LRRTM4: variants seen among roughly 807,000 people sequenced by gnomAD.
LRRTM4 encodes leucine rich repeat transmembrane neuronal 4.
Under a neutral mutation model 47.6 loss-of-function variants are expected in LRRTM4, and 25 were observed. The ratio of observed to expected loss-of-function variants is 0.53; its 90% CI spans 0.38 to 0.73. LRRTM4 has a LOEUF of 0.73. LRRTM4 is among the 30% of genes least tolerant of loss of function. The pLI is 0.00. For synonymous variants in LRRTM4, 311 were observed against 269.5 expected (o/e 1.15, Z -1.51); for missense variants, 638 against 713.4 (o/e 0.89, Z 1.20).
At chr2:76,888,928 T>A (rs1673165203) in intron 3 of LRRTM4, among the ~76,000 whole-genome samples, 1 of 152,016 alleles carries the variant, frequency 6.6e-6, no homozygotes, top group Admixed American at 6.6e-5. Context: ...TAAGACATGT[T>A]ATGAATCTAA....
At chr2:77,157,909 G>A (rs958509063) in intron 3 of LRRTM4, among the ~76,000 whole-genome samples, 13 of 152,112 alleles carry the variant, frequency 8.5e-5, no homozygotes, top group South Asian at 2.1e-4. Flanking sequence ...AACAGCTCGA[G>A]TGAGTTCTTC....
At chr2:77,202,997 C>T (rs1033974908) in intron 3 of LRRTM4, among the ~76,000 whole-genome samples, 2 of 151,894 alleles carry the variant, frequency 1.3e-5, no homozygotes, top group African/African-American at 2.4e-5. Context: ...TGGCTGGTTT[C>T]GCACATTAAG....
chr2:76,866,745 T>A (rs1004732808), intron 3 of LRRTM4, among the ~76,000 whole-genome samples: 1 of 152,190 alleles, frequency 6.6e-6, no homozygotes, highest in Non-Finnish European at 1.5e-5. Flanking sequence ...CAGTCTATCA[T>A]TGATGGGCAT....
chr2:77,071,339 A>T (rs906079118), intron 3 of LRRTM4, among the ~76,000 whole-genome samples: 13 of 152,308 alleles, frequency 8.5e-5, no homozygotes, highest in Non-Finnish European at 1.9e-4. Flanking sequence ...TGTTATGGTT[A>T]TCCAGAGACC....
At chr2:77,493,460 A>T (rs1678246226) in intron 3 of LRRTM4, among the ~76,000 whole-genome samples, 3 of 152,098 alleles carry the variant, frequency 2.0e-5, no homozygotes, top group Non-Finnish European at 4.4e-5. Flanking sequence ...GAGTCCACAG[A>T]AAAAGAAGTG....
At chr2:77,215,349 T>C (rs1432706314) in intron 3 of LRRTM4, among the ~76,000 whole-genome samples, 1 of 152,190 alleles carries the variant, frequency 6.6e-6, no homozygotes, top group African/African-American at 2.4e-5. Flanking sequence ...GTGTTTTAGA[T>C]GCTTCATTAA....
At chr2:76,776,130 C>G (rs1390603356) in intron 3 of LRRTM4, among the ~76,000 whole-genome samples, 1 of 151,982 alleles carries the variant, frequency 6.6e-6, no homozygotes, top group Non-Finnish European at 1.5e-5. Flanking sequence ...GTGTATATGT[C>G]CCACATTTTC....
intron 3 of LRRTM4, among the ~76,000 whole-genome samples, chr2:77,227,848 A>T (rs988455618): frequency 6.6e-6 from 1 of 152,108 alleles, no homozygotes; most frequent in Non-Finnish European, 1.5e-5. Flanking sequence ...TCATTAAAAT[A>T]TGGTTATACT....
intron 3 of LRRTM4, among the ~76,000 whole-genome samples, chr2:76,959,491 C>G (rs1473305863): frequency 3.3e-5 from 3 of 92,118 alleles, no homozygotes; most frequent in African/African-American, 2.6e-4. Context: ...AATTATCCAC[C>G]TTTAAAAATG....
chr2:76,974,231 T>TATATATACACAC (rs1166096250), intron 3 of LRRTM4, among the ~76,000 whole-genome samples: 1 of 139,550 alleles, frequency 7.2e-6, no homozygotes, highest in Non-Finnish European at 1.5e-5. Flanking sequence ...TACATACATA[T>TATATATACACAC]ATATATATAC....
intron 3 of LRRTM4, among the ~76,000 whole-genome samples, chr2:77,494,368 T>C (rs1039630925): frequency 2.0e-5 from 3 of 152,128 alleles, no homozygotes; most frequent in African/African-American, 7.2e-5. Flanking sequence ...CTCATTGTGA[T>C]GTTGCGCATT....
chr2:77,136,905 G>A (rs1196863174), intron 3 of LRRTM4, among the ~76,000 whole-genome samples: 1 of 151,852 alleles, frequency 6.6e-6, no homozygotes, highest in African/African-American at 2.4e-5. Context: ...ATGAAATGAA[G>A]TGAGAAGAGA....
intron 3 of LRRTM4, among the ~76,000 whole-genome samples, chr2:77,282,420 C>T (rs994334672): frequency 3.3e-5 from 5 of 151,612 alleles, no homozygotes; most frequent in South Asian, 2.1e-4. Context: ...CCCATTTGGA[C>T]GCCTTTTATT....
At chr2:76,878,140 G>C (rs1419439757) in intron 3 of LRRTM4, among the ~76,000 whole-genome samples, 2 of 152,048 alleles carry the variant, frequency 1.3e-5, no homozygotes, top group South Asian at 2.1e-4. Context: ...TATCTGTTAC[G>C]ATGATCTGTG....
At chr2:76,836,557 T>C (rs6741504) in intron 3 of LRRTM4, among the ~76,000 whole-genome samples, 1 of 150,910 alleles carries the variant, frequency 6.6e-6, no homozygotes, top group Non-Finnish European at 1.5e-5. Context: ...AATAATAATA[T>C]TGATGATAAT....
At chr2:77,332,574 G>A (rs76068001) in intron 3 of LRRTM4, among the ~76,000 whole-genome samples, 4,556 of 152,170 alleles carry the variant, frequency 0.03, 116 homozygotes, top group South Asian at 0.072. Context: ...TGGCTTGAAG[G>A]AAACCTTGCT....
intron 3 of LRRTM4, among the ~76,000 whole-genome samples, chr2:77,432,805 C>A (rs902293408): frequency 2.0e-5 from 3 of 152,146 alleles, no homozygotes; most frequent in Admixed American, 6.5e-5. Context: ...GAGTCAGAGT[C>A]CTGTTTCAGT....
intron 3 of LRRTM4, among the ~76,000 whole-genome samples, chr2:77,078,433 C>A (rs757463772): frequency 5.9e-5 from 9 of 151,824 alleles, no homozygotes; most frequent in Non-Finnish European, 1.3e-4. Context: ...GCTCTGTGAT[C>A]CCAAAAATAA....
At position 76,804,421 on chromosome 2, in the gene LRRTM4, A is replaced by G. The variant is rs554454092; in HGVS notation, c.1552-55505T>C. Among the ~76,000 whole-genome samples the G allele has an allele frequency of 9.1e-4, 138 of 152,154 alleles. 1 individual carries two copies. The Middle Eastern group carries it at 0.01, about 11-fold the overall frequency. ...CACAGCTTCTCAGTGTTATTCATAA[A>G]CAGAAAACACTGGAGATTATTCACC... On this transcript the variant is annotated intron_variant, in intron 3 of 3. Transcript: ENST00000409884.
Sources: gnomAD v4.1 joint callset for allele counts (sites outside exome capture counted in the v4.1 genomes callset) on GRCh38, gnomAD v4.1.1 for gene constraint, MANE v1.5 for transcripts, NCBI Gene and HGNC (gene_info 2026-07-23, HGNC 2026-07-21) for gene names.